The following TCF12 variants were observed in gnomAD, a reference collection of about 807,000 sequenced individuals.
The protein encoded by TCF12 is DNA-binding protein HTF4.
TCF12 carries 45 observed loss-of-function variants against 86.0 expected under a neutral mutation model. That is an observed-to-expected ratio of 0.52 (90% confidence interval 0.41 to 0.67). The LOEUF is 0.67. TCF12 is among the 30% of genes least tolerant of loss of function. The pLI is 0.00. For synonymous variants in TCF12, 330 were observed against 299.6 expected (o/e 1.10, Z -1.05); for missense variants, 881 against 859.9 (o/e 1.02, Z -0.31).
At chr15:57,141,492 G>A (rs1461038561) in intron 5 of TCF12, among the ~76,000 whole-genome samples, 1 of 152,162 alleles carries the variant, frequency 6.6e-6, no homozygotes, top group Non-Finnish European at 1.5e-5. Context: ...TGGGATTACA[G>A]GCATGCGCCA....
intron 6 of TCF12, among the ~76,000 whole-genome samples, chr15:57,188,086 C>G (rs1199205420): frequency 6.6e-6 from 1 of 151,762 alleles, no homozygotes; most frequent in Non-Finnish European, 1.5e-5. Context: ...ACTATTAGAG[C>G]TAATAAATAA....
At chr15:57,175,787 G>C (rs1363475351) in intron 6 of TCF12, among the ~76,000 whole-genome samples, 7 of 152,174 alleles carry the variant, frequency 4.6e-5, no homozygotes, top group Non-Finnish European at 1.0e-4. Flanking sequence ...CATCTTTTAA[G>C]TGTTTGAAGC....
chr15:57,215,255 A>G (rs1264937567), intron 8 of TCF12, among the ~76,000 whole-genome samples: 2 of 152,194 alleles, frequency 1.3e-5, no homozygotes, highest in Non-Finnish European at 2.9e-5. Flanking sequence ...GAGAGACAGC[A>G]TTCACTCACA....
chr15:57,239,618 A>T (rs1263875916), intron 12 of TCF12, among the ~76,000 whole-genome samples: 1 of 152,078 alleles, frequency 6.6e-6, no homozygotes, highest in Non-Finnish European at 1.5e-5. Flanking sequence ...TAAGTAGTCC[A>T]GCCGCAAGTT....
At chr15:56,920,055 T>C (rs2140158059) in intron 2 of TCF12, 67 bp downstream of exon 2, 2 of 1,586,632 alleles carry the variant, frequency 1.3e-6, no homozygotes, top group African/African-American at 1.3e-5. Context: ...TGTTTGTTTC[T>C]TTTAAATAAA....
At chr15:56,996,371 G>C (rs1483473044) in intron 3 of TCF12, among the ~76,000 whole-genome samples, 1 of 152,132 alleles carries the variant, frequency 6.6e-6, no homozygotes, top group Non-Finnish European at 1.5e-5. Flanking sequence ...TGTTGACAAA[G>C]TCAGTAAAAC....
At chr15:57,180,980 A>G (rs1333695945) in intron 6 of TCF12, among the ~76,000 whole-genome samples, 1 of 151,234 alleles carries the variant, frequency 6.6e-6, no homozygotes, top group Non-Finnish European at 1.5e-5. Flanking sequence ...ACGCCCGCCT[A>G]ATTTTTTGTA....
At chr15:57,097,007 T>A (rs1567414587) in intron 5 of TCF12, among the ~76,000 whole-genome samples, 1 of 152,184 alleles carries the variant, frequency 6.6e-6, no homozygotes, top group Non-Finnish European at 1.5e-5. Context: ...GTGTTTTATT[T>A]CCATTTCATT....
At chr15:57,082,373 C>T (rs957108177) in intron 4 of TCF12, among the ~76,000 whole-genome samples, 2 of 151,420 alleles carry the variant, frequency 1.3e-5, no homozygotes, top group Admixed American at 1.3e-4. Context: ...GTATATCTTG[C>T]AGATTTTAAT....
At chr15:57,044,070 GGAAACAAGAA>G (rs1233649207) in intron 3 of TCF12, among the ~76,000 whole-genome samples, 13 of 151,878 alleles carry the variant, frequency 8.6e-5, no homozygotes, top group Non-Finnish European at 1.3e-4. Context: ...CTTTCAAATT[GGAAACAAGAA>G]GAAACAGTTT....
chr15:57,052,597 A>G (rs1475822872), intron 3 of TCF12, among the ~76,000 whole-genome samples: 2 of 149,472 alleles, frequency 1.3e-5, no homozygotes, highest in African/African-American at 2.5e-5. Context: ...AGATTGCACC[A>G]TTGCACTCCA....
chr15:57,267,313 G>A (rs926083602), intron 18 of TCF12, among the ~76,000 whole-genome samples: 13 of 152,030 alleles, frequency 8.6e-5, no homozygotes, highest in Admixed American at 2.0e-4. Context: ...TTGGGAAAAA[G>A]GAAATCTTAA....
intron 3 of TCF12, among the ~76,000 whole-genome samples, chr15:56,970,582 G>T (rs949339355): frequency 4.0e-5 from 6 of 151,590 alleles, no homozygotes. Flanking sequence ...ACAAATATAG[G>T]AAGAATATAT....
chr15:57,290,510 A>G (rs954700734), downstream of TCF12, among the ~76,000 whole-genome samples: 5 of 152,192 alleles, frequency 3.3e-5, no homozygotes, highest in African/African-American at 1.2e-4. Flanking sequence ...CAAGGAATCA[A>G]AAGTAGACAG....
chr15:57,191,957 C>T (rs1278928305), intron 6 of TCF12, among the ~76,000 whole-genome samples: 1 of 151,336 alleles, frequency 6.6e-6, no homozygotes, highest in Non-Finnish European at 1.5e-5. Flanking sequence ...AAAAAAAGGC[C>T]GACAATGTGA....
chr15:57,138,558 G>A (rs2040221117), intron 5 of TCF12, among the ~76,000 whole-genome samples: 1 of 151,894 alleles, frequency 6.6e-6, no homozygotes, highest in African/African-American at 2.4e-5. Context: ...GAAAGGAAAA[G>A]TGTAAAGCTT....
At chr15:57,235,838 C>G (rs1487469537) in intron 12 of TCF12, among the ~76,000 whole-genome samples, 2 of 152,098 alleles carry the variant, frequency 1.3e-5, no homozygotes, top group African/African-American at 4.8e-5. Flanking sequence ...ATCAGGGAAC[C>G]TTGGCCTACA....
intron 13 of TCF12, among the ~76,000 whole-genome samples, chr15:57,244,114 A>G (rs2059749710): frequency 6.6e-6 from 1 of 152,146 alleles, no homozygotes; most frequent in Non-Finnish European, 1.5e-5. Context: ...CCTGAGCTCA[A>G]GCAATCCTCC....
rs371523581 is a variant in TCF12, at chr15:57,273,108, C to T, written c.1824C>T (p.Ala608=). The T allele has an allele frequency of 1.2e-5, 20 of 1,614,174 alleles. No homozygotes were observed. The African/African-American group carries it at 2.3e-4, about 18-fold the overall frequency. Residue 608 remains alanine (A), a synonymous_variant, in exon 19 of 21, where the codon GCC becomes GCT. Coordinates refer to ENST00000333725, the MANE Select transcript of TCF12 (RefSeq NM_207037.2). ...REKERRMANN[A]RERLRVRDIN... ...AGGAGAGGCGGATGGCTAACAATGC[C>T]AGAGAACGCTTACGCGTGCGGGATA...
Sources: allele counts gnomAD v4.1 joint callset (sites outside exome capture counted in the v4.1 genomes callset), GRCh38; gene constraint gnomAD v4.1.1; transcripts MANE v1.5; gene names NCBI Gene and HGNC (gene_info 2026-07-23, HGNC 2026-07-21).